DGKG: variants seen among roughly 807,000 people sequenced by gnomAD.
DGKG encodes the protein diacylglycerol kinase gamma.
DGKG carries 78 observed loss-of-function variants against 105.3 expected under a neutral mutation model. The ratio of observed to expected loss-of-function variants is 0.74; its 90% CI spans 0.62 to 0.89. DGKG has a LOEUF of 0.89. Among genes scored for constraint, DGKG ranks in the 40% least tolerant of loss-of-function variants. The pLI is 0.00. For missense variants in DGKG, 958 were observed against 1,020.1 expected (o/e 0.94, Z 0.83); for synonymous variants, 346 against 367.1 (o/e 0.94, Z 0.66).
intron 21 of DGKG, among the ~76,000 whole-genome samples, chr3:186,194,484 C>T (rs1718075961): frequency 6.6e-6 from 1 of 152,236 alleles, no homozygotes. Flanking sequence ...TCTGAAGGGC[C>T]TTAGGGAAGG....
At chr3:186,199,727 G>C (rs1007905319) in intron 21 of DGKG, among the ~76,000 whole-genome samples, 2 of 151,998 alleles carry the variant, frequency 1.3e-5, no homozygotes, top group African/African-American at 4.8e-5. Flanking sequence ...TGGCCAGGCT[G>C]GTCTTGAACA....
chr3:186,263,610 C>T (rs769952706), intron 14 of DGKG, among the ~76,000 whole-genome samples: 11 of 151,804 alleles, frequency 7.2e-5, no homozygotes, highest in African/African-American at 9.7e-5. Flanking sequence ...AGCAAACAAA[C>T]GCACCATGTA....
At chr3:186,169,081 G>A (rs1465284544) in intron 22 of DGKG, among the ~76,000 whole-genome samples, 2 of 152,086 alleles carry the variant, frequency 1.3e-5, no homozygotes, top group African/African-American at 2.4e-5. Context: ...TTTGCAACAG[G>A]AAATCTCCCT....
chr3:186,279,779 A>G lies in DGKG; in HGVS notation c.792+72T>C, dbSNP rs1429118763. On this transcript the variant is annotated intron_variant, in intron 9 of 24. Transcript: ENST00000265022. ...AGTCTGGAGCAGAAGCCAAAGTGATATGTTGATATTAACATGAAGCCCAAT... is the reference window on the plus strand; with the variant it reads ...AGTCTGGAGCAGAAGCCAAAGTGATGTGTTGATATTAACATGAAGCCCAAT... 11 of 1,566,938 alleles carry G rather than the reference A, an allele frequency of 7.0e-6. No homozygotes were observed. The Admixed American group carries it at 1.1e-4, about 15-fold the overall frequency.
At chr3:186,285,429 T>C (rs1027903703) in intron 6 of DGKG, among the ~76,000 whole-genome samples, 4 of 152,208 alleles carry the variant, frequency 2.6e-5, no homozygotes, top group Non-Finnish European at 4.4e-5. Flanking sequence ...CTTTTCCTTT[T>C]TCTAAAGGTA....
At chr3:186,190,460 G>A (rs183210258) in intron 21 of DGKG, among the ~76,000 whole-genome samples, 7 of 152,268 alleles carry the variant, frequency 4.6e-5, no homozygotes, top group East Asian at 3.9e-4. Flanking sequence ...ATGAGATGAC[G>A]TGCAAAGCTC....
chr3:186,181,902 G>C (rs903381421), intron 22 of DGKG, among the ~76,000 whole-genome samples: 2 of 152,242 alleles, frequency 1.3e-5, no homozygotes, highest in Admixed American at 6.5e-5. Flanking sequence ...GGCTGGATAG[G>C]AGCAGGCATG....
Position 186,284,792 on chromosome 3 carries a change from A to C in DGKG, c.545-83T>G. On this transcript the variant is annotated intron_variant, in intron 6 of 24. Transcript: ENST00000265022. This position sits in a 1 kb window ranked among gnomAD's most constrained non-coding sequence, Gnocchi z 4.0. ...AGTTTTGATGCTGCCAGGTTTTTAG[A>C]TTAGTTCTGTCACCACTGTGACGAA... 1 of 1,150,748 alleles carries C rather than the reference A, an allele frequency of 8.7e-7. No individual in the cohort carries two copies. The allele number at this position is 1,150,748 out of a possible 1,614,324, so 71.3% of individuals were successfully genotyped here.
intron 5 of DGKG, among the ~76,000 whole-genome samples, chr3:186,295,345 A>G (rs1364556408): frequency 1.3e-5 from 2 of 151,970 alleles, no homozygotes; most frequent in African/African-American, 4.8e-5. Flanking sequence ...TACTAAAAAT[A>G]CCAAGAATTA....
rs574048488 is a variant in DGKG at position 186,208,463 on chromosome 3, A to G, written c.1917+3332T>C. Reference sequence around the variant, plus strand: ...AGAAGAAAAAAAAAAGGAAGAACCTAAATAGACTTCACTGTTTCCCTAAGT... The same window carrying G: ...AGAAGAAAAAAAAAAGGAAGAACCTGAATAGACTTCACTGTTTCCCTAAGT... On this transcript the variant is annotated intron_variant, in intron 21 of 24. Coordinates refer to ENST00000265022, the MANE Select transcript of DGKG (RefSeq NM_001346.3). Among the ~76,000 whole-genome samples, 5 of 152,002 alleles carry G rather than the reference A, an allele frequency of 3.3e-5. No homozygotes were observed. The South Asian group carries it at 1.0e-3, about 32-fold the overall frequency.
intron 3 of DGKG, among the ~76,000 whole-genome samples, chr3:186,306,137 G>T (rs1178238567): frequency 6.6e-6 from 1 of 152,162 alleles, no homozygotes; most frequent in East Asian, 1.9e-4. Flanking sequence ...GTGGAAGAGT[G>T]AAGGTTATAG....
At chr3:186,234,832 A>G (rs372498635) in intron 20 of DGKG, among the ~76,000 whole-genome samples, 7 of 152,226 alleles carry the variant, frequency 4.6e-5, no homozygotes, top group African/African-American at 1.4e-4. Flanking sequence ...TCATCATATT[A>G]TTTAAAATAC....
Position 186,165,028 on chromosome 3 carries a change from G to A in DGKG, c.2096-10C>T, listed in dbSNP as rs751801440. 49 of 1,609,978 alleles carry A rather than the reference G, an allele frequency of 3.0e-5. No homozygotes were observed. Among genetic ancestry groups the A allele is most frequent in the Admixed American group, 1.7e-4 (10 of 59,302 alleles). ...AGCTGGTCACTGAGGTCTGCAGAGC[G>A]AGACAGCAAAAGTAGTGCATACACA... is the stretch of plus-strand genomic sequence containing the variant. On this transcript the variant is annotated splice_polypyrimidine_tract_variant and intron_variant, in intron 22 of 24. Transcript: ENST00000265022.
chr3:186,211,531 G>A (rs1316987047), intron 21 of DGKG, among the ~76,000 whole-genome samples: 1 of 152,204 alleles, frequency 6.6e-6, no homozygotes. Context: ...AGGCCACGGT[G>A]GAAGGAGGGC....
intron 2 of DGKG, among the ~76,000 whole-genome samples, chr3:186,312,370 G>C (rs1472142711): frequency 2.0e-5 from 3 of 152,090 alleles, no homozygotes; most frequent in African/African-American, 7.2e-5. Context: ...TGCAGATTCT[G>C]TAGGACTGGG....
At chr3:186,293,835 C>T (rs962817834) in intron 5 of DGKG, among the ~76,000 whole-genome samples, 1 of 152,214 alleles carries the variant, frequency 6.6e-6, no homozygotes, top group African/African-American at 2.4e-5. Context: ...GCAGAGGCCC[C>T]TCTCTGTGGT....
At chr3:186,335,358 T>G (rs1725783162) in intron 1 of DGKG, among the ~76,000 whole-genome samples, 1 of 152,202 alleles carries the variant, frequency 6.6e-6, no homozygotes, top group Non-Finnish European at 1.5e-5. Context: ...TCTCTATGCT[T>G]CAAGTTTCTC....
intron 1 of DGKG, among the ~76,000 whole-genome samples, chr3:186,328,871 GC>G (rs1725471620): frequency 6.6e-6 from 1 of 152,128 alleles, no homozygotes; most frequent in Non-Finnish European, 1.5e-5. Context: ...GAGCCACTGC[GC>G]CCGGCCTTAC....
chr3:186,301,341 C>T (rs1723910613), intron 3 of DGKG, among the ~76,000 whole-genome samples: 1 of 152,150 alleles, frequency 6.6e-6, no homozygotes, highest in Admixed American at 6.5e-5. Context: ...CAAAAACTTT[C>T]CATGTGACGG....
Sources: allele counts gnomAD v4.1 joint callset (sites outside exome capture counted in the v4.1 genomes callset), GRCh38; gene constraint gnomAD v4.1.1; non-coding constraint Gnocchi (gnomAD v3.1); transcripts MANE v1.5; gene names NCBI Gene and HGNC (gene_info 2026-07-23, HGNC 2026-07-21).